Variants in PLCXD3 observed in about 807,000 individuals in gnomAD.
PLCXD3 encodes the protein phosphatidylinositol specific phospholipase C X domain containing 3.
In PLCXD3, 19 loss-of-function variants were observed where a neutral mutation model predicts 25.5. The observed-to-expected ratio is 0.75, with a 90% CI of 0.52 to 1.09. PLCXD3 has a LOEUF of 1.09. Ranked by LOEUF, PLCXD3 falls within the 50% of genes least tolerant of loss-of-function variation. The pLI is 0.00. For synonymous variants in PLCXD3, 174 were observed against 137.6 expected (o/e 1.26, Z -1.85); for missense variants, 411 against 388.1 (o/e 1.06, Z -0.50).
chr5:41,475,754 C>T, intron 1 of PLCXD3: 3 of 533,948 alleles, frequency 5.6e-6, no homozygotes, highest in Non-Finnish European at 1.2e-5. Context: ...TCTGTTACTA[C>T]TTGAGACCAT....
chr5:41,310,736 G>A lies in PLCXD3; in HGVS notation c.*2881C>T, dbSNP rs531252620. The A allele has an allele frequency of 3.9e-5, 6 of 152,706 alleles. No homozygotes were observed. The East Asian group carries it at 7.7e-4, about 20-fold the overall frequency. 9.5% of individuals were successfully genotyped at this position (152,706 alleles called of 1,614,324 possible). On this transcript the variant is annotated 3_prime_UTR_variant, in exon 3 of 3. Transcript: ENST00000377801. ...TAGTAAACTCCCCCTCTAGCTGGAGGACCCATGGTTCCCTTCTACCTCTTC... is the reference window on the plus strand; with the variant it reads ...TAGTAAACTCCCCCTCTAGCTGGAGAACCCATGGTTCCCTTCTACCTCTTC...
intron 1 of PLCXD3, among the ~76,000 whole-genome samples, chr5:41,497,315 T>C (rs1408083000): frequency 6.6e-6 from 1 of 151,880 alleles, no homozygotes; most frequent in African/African-American, 2.4e-5. Flanking sequence ...AGAACATACA[T>C]AGGCTGAAAG....
At chr5:41,387,804 A>G (rs970320378) in intron 1 of PLCXD3, among the ~76,000 whole-genome samples, 4 of 152,170 alleles carry the variant, frequency 2.6e-5, no homozygotes, top group African/African-American at 9.6e-5. Context: ...GTATAAGACA[A>G]GCATTGTTCT....
intron 1 of PLCXD3, chr5:41,475,761 C>T: frequency 1.9e-6 from 1 of 533,340 alleles, no homozygotes; most frequent in Non-Finnish European, 3.9e-6. Flanking sequence ...CTACTTGAGA[C>T]CATCATTACA....
intron 1 of PLCXD3, among the ~76,000 whole-genome samples, chr5:41,453,196 T>C (rs1158601519): frequency 6.6e-6 from 1 of 151,864 alleles, no homozygotes; most frequent in Admixed American, 6.6e-5. Flanking sequence ...CACCATTCTA[T>C]TCTTCTCCTT....
chr5:41,378,688 C>A (rs892021706), intron 2 of PLCXD3, among the ~76,000 whole-genome samples: 2 of 152,054 alleles, frequency 1.3e-5, no homozygotes, highest in East Asian at 1.9e-4. Context: ...AAATAGGATT[C>A]ATCACTAAAA....
intron 1 of PLCXD3, among the ~76,000 whole-genome samples, chr5:41,396,191 C>T (rs1745998885): frequency 6.6e-6 from 1 of 152,076 alleles, no homozygotes; most frequent in South Asian, 2.1e-4. Flanking sequence ...TTTTAATTCC[C>T]AATGTTAGGG....
chr5:41,437,683 G>A (rs947128764), intron 1 of PLCXD3, among the ~76,000 whole-genome samples: 28 of 152,176 alleles, frequency 1.8e-4, no homozygotes, highest in African/African-American at 5.3e-4. Context: ...AAGAAGAGTC[G>A]TAGGTCAGAT....
Position 41,326,319 on chromosome 5 carries a change from G to T in PLCXD3, c.813-12549C>A, listed in dbSNP as rs180695584. ...AGTCTTGTGCCTATGTTCCTTTTTTGTGTGTGTTATCTACACCACAGTCAG... is the reference window on the plus strand; with the variant it reads ...AGTCTTGTGCCTATGTTCCTTTTTTTTGTGTGTTATCTACACCACAGTCAG... On this transcript the variant is annotated intron_variant, in intron 2 of 2. Coordinates refer to ENST00000377801, the MANE Select transcript of PLCXD3 (RefSeq NM_001005473.3). Among the ~76,000 whole-genome samples the T allele has an allele frequency of 2.4e-3, 368 of 151,402 alleles. 2 individuals are homozygous for T. The highest frequency in any genetic ancestry group is 7.9e-3 in the African/African-American group (327 of 41,240).
At chr5:41,492,993 G>A (rs1260682078) in intron 1 of PLCXD3, among the ~76,000 whole-genome samples, 1 of 152,242 alleles carries the variant, frequency 6.6e-6, no homozygotes, top group African/African-American at 2.4e-5. Flanking sequence ...TCCTTTGGAG[G>A]AGGAGAGGCG....
chr5:41,348,152 C>T (rs932234158), intron 2 of PLCXD3, among the ~76,000 whole-genome samples: 10 of 152,086 alleles, frequency 6.6e-5, no homozygotes, highest in South Asian at 2.1e-4. Context: ...GTATTAGCCC[C>T]GTTTACTAAA....
intron 1 of PLCXD3, among the ~76,000 whole-genome samples, chr5:41,388,996 T>C (rs1301484165): frequency 6.6e-6 from 1 of 151,750 alleles, no homozygotes. Context: ...TATACATATA[T>C]ACAAGCACAC....
chr5:41,418,196 C>A (rs1269174518), intron 1 of PLCXD3, among the ~76,000 whole-genome samples: 1 of 152,002 alleles, frequency 6.6e-6, no homozygotes, highest in Non-Finnish European at 1.5e-5. Context: ...TAAATTTTAT[C>A]TAATATTTGA....
intron 1 of PLCXD3, among the ~76,000 whole-genome samples, chr5:41,471,766 A>AAAATAACTACAAACAAAAATAATAACT (rs1748163416): frequency 7.2e-6 from 1 of 138,970 alleles, no homozygotes; most frequent in Admixed American, 7.5e-5. Context: ...TAATAACTAC[A>AAAATAACTACAAACAAAAATAATAACT]ACATCTTTTC....
At chr5:41,460,841 ATTGT>A (rs1747856639) in intron 1 of PLCXD3, among the ~76,000 whole-genome samples, 1 of 151,884 alleles carries the variant, frequency 6.6e-6, no homozygotes. Flanking sequence ...CTATTCTTTC[ATTGT>A]TTGGGAATTG....
intron 2 of PLCXD3, among the ~76,000 whole-genome samples, chr5:41,317,941 A>G (rs1003151025): frequency 6.6e-6 from 1 of 152,150 alleles, no homozygotes; most frequent in African/African-American, 2.4e-5. Flanking sequence ...CAAGGGTAGG[A>G]TGTTTATTCA....
intron 1 of PLCXD3, among the ~76,000 whole-genome samples, chr5:41,466,149 T>A: frequency 6.6e-6 from 1 of 152,236 alleles, no homozygotes; most frequent in East Asian, 1.9e-4. Flanking sequence ...TTTTATTTAA[T>A]CTTTACCTTA....
At chr5:41,319,921 G>T (rs1561230441) in intron 2 of PLCXD3, among the ~76,000 whole-genome samples, 4 of 151,998 alleles carry the variant, frequency 2.6e-5, no homozygotes, top group Non-Finnish European at 4.4e-5. Context: ...ATGGAAAAGA[G>T]ACATTACAAC....
rs2150466865 is a variant in PLCXD3, at chr5:41,313,669, C to T, written c.914G>A (p.Ser305Asn). ...GACATAGTTGAGCTTTATGACAGTG[C>T]TGATAAAGTCACCAAGTTCTACAAA... is the stretch of plus-strand genomic sequence containing the variant. The part of the protein sequence containing the change: ...ADFVELGDFI[S>N]TVIKLNYVFD... Residue 305 changes from serine to asparagine, a missense_variant, in exon 3 of 3, where the codon AGC becomes AAC. Ser to Asn is a conservative substitution (Grantham distance 46). Coordinates refer to ENST00000377801, the MANE Select transcript of PLCXD3 (RefSeq NM_001005473.3). 8.7e-6 allele frequency: 14 copies of T among 1,613,884 alleles called. No individual in the cohort carries two copies. The highest frequency in any genetic ancestry group is 1.2e-5 in the Non-Finnish European group (14 of 1,179,884).
Sources: gnomAD v4.1 joint callset for allele counts (sites outside exome capture counted in the v4.1 genomes callset) on GRCh38, gnomAD v4.1.1 for gene constraint, MANE v1.5 for transcripts, NCBI Gene and HGNC (gene_info 2026-07-23, HGNC 2026-07-21) for gene names.